Variants in AAK1 observed in about 807,000 individuals in gnomAD.
AAK1 encodes AP2 associated kinase 1, also known as AP2-associated protein kinase 1.
A neutral mutation model predicts 116.0 loss-of-function variants in AAK1; 37 were observed. The ratio of observed to expected loss-of-function variants is 0.32; its 90% CI spans 0.25 to 0.42. The LOEUF is 0.42. AAK1 is among the 10% of genes least tolerant of loss of function. The probability of loss-of-function intolerance (pLI) is 1.00; values close to 1 mark genes in which losing one functional copy is unlikely to be tolerated. For synonymous variants in AAK1, 458 were observed against 439.9 expected (o/e 1.04, Z -0.51); for missense variants, 919 against 1,170.6 (o/e 0.79, Z 3.14).
chr2:69,626,511 T>A (rs896152842), intron 2 of AAK1, among the ~76,000 whole-genome samples: 76 of 151,442 alleles, frequency 5.0e-4, no homozygotes, highest in Non-Finnish European at 6.8e-4. Context: ...TATTATTATT[T>A]TTTTTTGAGA....
intron 4 of AAK1, 40 bp downstream of exon 4, chr2:69,544,396 T>C (rs372542245): frequency 1.4e-5 from 21 of 1,484,150 alleles, no homozygotes; most frequent in Non-Finnish European, 1.8e-5. Flanking sequence ...ATCAAAATGC[T>C]AGAGAAATGA....
chr2:69,589,341 A>G (rs77840332), intron 2 of AAK1, among the ~76,000 whole-genome samples: 2,944 of 152,346 alleles, frequency 0.019, 78 homozygotes, highest in African/African-American at 0.065. Context: ...GTCAAGACCT[A>G]GAAAGATCAG....
intron 13 of AAK1, among the ~76,000 whole-genome samples, chr2:69,513,891 G>C (rs1212967056): frequency 1.3e-5 from 2 of 152,210 alleles, no homozygotes; most frequent in Non-Finnish European, 2.9e-5. Context: ...ATATCTAAAA[G>C]TGGACATGCC....
intron 2 of AAK1, among the ~76,000 whole-genome samples, chr2:69,627,178 AC>A (rs937619613): frequency 4.0e-4 from 61 of 152,124 alleles, no homozygotes; most frequent in African/African-American, 1.4e-3. Flanking sequence ...AGTCCCAGCT[AC>A]TAGGAAGGCT....
chr2:69,562,707 C>T (rs981465271), intron 2 of AAK1, among the ~76,000 whole-genome samples: 14 of 151,974 alleles, frequency 9.2e-5, no homozygotes, highest in African/African-American at 2.4e-4. Flanking sequence ...CTGGCTAACA[C>T]GATGAAACCC....
At chr2:69,622,436 C>T (rs1366928877) in intron 2 of AAK1, among the ~76,000 whole-genome samples, 1 of 152,208 alleles carries the variant, frequency 6.6e-6, no homozygotes, top group African/African-American at 2.4e-5. Context: ...GTGCACGGCA[C>T]GGGACCGGCA....
At chr2:69,574,787 T>C (rs1397983164) in intron 2 of AAK1, among the ~76,000 whole-genome samples, 1 of 151,788 alleles carries the variant, frequency 6.6e-6, no homozygotes, top group Non-Finnish European at 1.5e-5. Flanking sequence ...CTGGGCAACA[T>C]AGCAAGACCT....
At position 69,643,630 on chromosome 2, in the gene AAK1, C is replaced by A; in HGVS notation, c.-290G>T. ...ACCAGCCCCGCGACATTGTCACGGC[C>A]GCCGGGCCGGCCTGCGACGCAGAGA... On this transcript the variant is annotated 5_prime_UTR_variant, in exon 1 of 22. Transcript: ENST00000409085. 1 of 1,228,382 alleles carries A rather than the reference C, an allele frequency of 8.1e-7. No individual in the cohort carries two copies. The highest frequency in any genetic ancestry group is 4.2e-5 in the South Asian group (1 of 24,076). 76.1% of individuals were successfully genotyped at this position (1,228,382 alleles called of 1,614,324 possible).
rs747557945 is a variant in AAK1 at position 69,505,562 on chromosome 2, T to C, written c.2269+7A>G. On this transcript the variant is annotated splice_region_variant and intron_variant, in intron 16 of 21. Coordinates refer to ENST00000409085, the MANE Select transcript of AAK1 (RefSeq NM_014911.5). ...AACCTCCCGTTCCAGGTATTTGCCA[T>C]ACTAACCAGTTCCAGCAGAAAATGA... The C allele has an allele frequency of 1.3e-5, 21 of 1,612,420 alleles. No homozygotes were observed. The highest frequency in any genetic ancestry group is 1.5e-5 in the Non-Finnish European group (18 of 1,178,792).
chr2:69,496,103 G>T, intron 16 of AAK1, 23 bp from the exon 17 acceptor site: 1 of 1,515,408 alleles, frequency 6.6e-7, no homozygotes, highest in Non-Finnish European at 9.0e-7. Flanking sequence ...TGGAGGGGAA[G>T]GAGGAGTCAG....
chr2:69,601,911 A>G (rs1430595712), intron 2 of AAK1, among the ~76,000 whole-genome samples: 1 of 152,222 alleles, frequency 6.6e-6, no homozygotes, highest in African/African-American at 2.4e-5. Context: ...TTAACAGTGG[A>G]GAAGCCTGGC....
At chr2:69,611,750 T>C (rs1391532187) in intron 2 of AAK1, among the ~76,000 whole-genome samples, 5 of 152,110 alleles carry the variant, frequency 3.3e-5, no homozygotes, top group Non-Finnish European at 5.9e-5. Flanking sequence ...AATCCAGCCA[T>C]CCATCAACAG....
At chr2:69,611,813 C>T (rs1674094724) in intron 2 of AAK1, among the ~76,000 whole-genome samples, 1 of 152,196 alleles carries the variant, frequency 6.6e-6, no homozygotes, top group African/African-American at 2.4e-5. Flanking sequence ...ATTATTTAGC[C>T]TTAAAAGGGA....
rs1669967647 is a variant in AAK1 at position 69,525,097 on chromosome 2, C to A, written c.991G>T (p.Ala331Ser). ...GCTTTCACTGGTTCAGGAAGCTTTG[C>A]AGGAATGGGAGAGTTCTATAGAATT... ...IPNVQNSPIP[A>S]KLPEPVKASE... The change falls in exon 10 of 22, where the codon GCA (alanine) becomes TCA (serine). Residue 331 changes from alanine to serine, a missense_variant. Physicochemically the swap from Ala to Ser is moderately conservative, Grantham distance 99. This residue lies in a region of AAK1 where 317 missense variants were observed against 490.4 expected (regional missense o/e 0.65). Coordinates refer to ENST00000409085, the MANE Select transcript of AAK1 (RefSeq NM_014911.5). 18 of 1,613,908 alleles carry A rather than the reference C, an allele frequency of 1.1e-5. No homozygotes were observed. The highest frequency in any genetic ancestry group is 1.5e-5 in the Non-Finnish European group (18 of 1,179,840).
At chr2:69,557,777 A>C (rs1671448792) in intron 2 of AAK1, among the ~76,000 whole-genome samples, 1 of 152,218 alleles carries the variant, frequency 6.6e-6, no homozygotes, top group Non-Finnish European at 1.5e-5. Flanking sequence ...AGGCTAGGAA[A>C]TTATTTCACT....
intron 2 of AAK1, among the ~76,000 whole-genome samples, chr2:69,610,549 CAA>C (rs1178608381): frequency 6.6e-6 from 1 of 152,014 alleles, no homozygotes; most frequent in Non-Finnish European, 1.5e-5. Context: ...GGACAACTAG[CAA>C]AAGAGTAGAA....
chr2:69,493,408 C>T (rs1286762548), intron 17 of AAK1, among the ~76,000 whole-genome samples: 3 of 151,988 alleles, frequency 2.0e-5, no homozygotes, highest in African/African-American at 7.2e-5. Context: ...TTTATTCACT[C>T]TCAAAGAGTG....
chr2:69,505,214 T>C (rs1324149973), intron 16 of AAK1, among the ~76,000 whole-genome samples: 3 of 152,122 alleles, frequency 2.0e-5, no homozygotes, highest in Non-Finnish European at 4.4e-5. Context: ...CTTCAAGTAA[T>C]CTCAGAAACC....
rs182279434 is a variant in AAK1 at position 69,526,682 on chromosome 2, G to T, written c.975+534C>A. Reference sequence around the variant, plus strand: ...CTCTGAAAACTGAGTGCAGAGTTTAGGATTACTAAATGTAGAAAACATTCT... The same window carrying T: ...CTCTGAAAACTGAGTGCAGAGTTTATGATTACTAAATGTAGAAAACATTCT... On this transcript the variant is annotated intron_variant, in intron 9 of 21. Coordinates refer to ENST00000409085, the MANE Select transcript of AAK1 (RefSeq NM_014911.5). Among the ~76,000 whole-genome samples the T allele has an allele frequency of 7.2e-5, 11 of 152,320 alleles. No homozygotes were observed. In the East Asian group the frequency reaches 1.2e-3, roughly 16 times the overall value.
Sources: gnomAD v4.1 joint callset for allele counts (sites outside exome capture counted in the v4.1 genomes callset) on GRCh38, gnomAD v4.1.1 for gene constraint, gnomAD v4.1.1 regional missense constraint, MANE v1.5 for transcripts, NCBI Gene and HGNC (gene_info 2026-07-23, HGNC 2026-07-21) for gene names.